METTL24: variants seen among roughly 807,000 people sequenced by gnomAD.
METTL24 encodes probable methyltransferase-like protein 24.
METTL24 carries 29 observed loss-of-function variants against 32.7 expected under a neutral mutation model. The ratio of observed to expected loss-of-function variants is 0.89; its 90% CI spans 0.66 to 1.21. The LOEUF is 1.21. Ranked by LOEUF, METTL24 falls within the 50% of genes most tolerant of loss-of-function variation. The probability of loss-of-function intolerance (pLI) is 0.00; values close to 1 mark genes in which losing one functional copy is unlikely to be tolerated. For missense variants in METTL24, 439 were observed against 468.1 expected (o/e 0.94, Z 0.57); for synonymous variants, 163 against 179.5 (o/e 0.91, Z 0.73).
chr6:110,302,581 A>G (rs144077767), intron 3 of METTL24, among the ~76,000 whole-genome samples: 1 of 117,470 alleles, frequency 8.5e-6, no homozygotes, highest in African/African-American at 4.8e-5. Flanking sequence ...ACACACACAT[A>G]TGTGTATATA....
chr6:110,326,040 T>C (rs1360873000), intron 1 of METTL24, among the ~76,000 whole-genome samples: 1 of 152,204 alleles, frequency 6.6e-6, no homozygotes, highest in Non-Finnish European at 1.5e-5. Flanking sequence ...CTCCTCTTTC[T>C]TCCCCAAAGT....
intron 3 of METTL24, among the ~76,000 whole-genome samples, chr6:110,299,546 T>C (rs1160926888): frequency 6.6e-6 from 1 of 152,216 alleles, no homozygotes; most frequent in African/African-American, 2.4e-5. Flanking sequence ...TGTGTTCTAC[T>C]AATGAGGTAA....
chr6:110,335,627 A>G (rs1161994374), intron 1 of METTL24, among the ~76,000 whole-genome samples: 2 of 116,776 alleles, frequency 1.7e-5, no homozygotes, highest in Non-Finnish European at 3.4e-5. Flanking sequence ...GGGTTTCACT[A>G]TATTGCCCAG....
rs1283171750 is a variant in METTL24, at chr6:110,358,105, C to T, written c.168G>A (p.Pro56=). 12 of 1,018,578 alleles carry T rather than the reference C, an allele frequency of 1.2e-5. No individual in the cohort carries two copies. Among genetic ancestry groups the T allele is most frequent in the Admixed American group, 5.9e-5 (1 of 16,944 alleles). 63.1% of individuals were successfully genotyped at this position (1,018,578 alleles called of 1,614,324 possible). A position where few individuals can be genotyped will look rare whatever the true frequency, so the allele number is the denominator to read the frequency against. Residue 56 remains proline, a synonymous_variant, in exon 1 of 5, where the codon CCG becomes CCA. Coordinates refer to ENST00000338882, the MANE Select transcript of METTL24 (RefSeq NM_001123364.3). ...PPGPAWRPPG[P]HLPPAPGQPR... ...GCTGGCCCGGCGCGGGCGGCAGGTG[C>T]GGCCCAGGTGGCCGCCAGGCCGGGC...
At chr6:110,322,966 G>A in intron 1 of METTL24, 94 bp from the exon 2 acceptor site, 2 of 938,220 alleles carry the variant, frequency 2.1e-6, no homozygotes, top group Non-Finnish European at 1.6e-6. Context: ...AGGCTGCTTT[G>A]GCTGTCAGCA....
At chr6:110,306,906 A>G (rs925131854) in intron 3 of METTL24, among the ~76,000 whole-genome samples, 3 of 152,188 alleles carry the variant, frequency 2.0e-5, no homozygotes, top group Non-Finnish European at 4.4e-5. Context: ...CATGGAAGGA[A>G]TATTTGTGAT....
At chr6:110,253,774 T>C in intron 4 of METTL24, 1 of 856,026 alleles carries the variant, frequency 1.2e-6, no homozygotes, top group Non-Finnish European at 1.6e-6. Flanking sequence ...AAACACACAT[T>C]TTCTACAAAA....
intron 3 of METTL24, among the ~76,000 whole-genome samples, chr6:110,303,487 G>A (rs868809140): frequency 2.4e-4 from 36 of 152,300 alleles, no homozygotes; most frequent in Middle Eastern, 3.4e-3. Context: ...GGGGAGGGGC[G>A]TCTGCCATTA....
intron 3 of METTL24, among the ~76,000 whole-genome samples, chr6:110,309,868 AAACAAAAC>A (rs1175738856): frequency 7.4e-6 from 1 of 135,766 alleles, no homozygotes; most frequent in South Asian, 2.3e-4. Context: ...GGAGCAAAAA[AAACAAAAC>A]AAAACAAAAC....
intron 4 of METTL24, among the ~76,000 whole-genome samples, chr6:110,259,924 C>T (rs1778460232): frequency 6.6e-6 from 1 of 152,152 alleles, no homozygotes; most frequent in African/African-American, 2.4e-5. Context: ...AGAAGGAAAA[C>T]TAACAAACAG....
chr6:110,295,019 T>TC (rs1771387642), intron 4 of METTL24, among the ~76,000 whole-genome samples: 2 of 125,888 alleles, frequency 1.6e-5, no homozygotes, highest in Admixed American at 1.5e-4. Context: ...CTTTCTTTTT[T>TC]TTTTTTTTTT....
At chr6:110,280,244 C>G (rs1771114409) in intron 4 of METTL24, among the ~76,000 whole-genome samples, 1 of 152,168 alleles carries the variant, frequency 6.6e-6, no homozygotes, top group Admixed American at 6.6e-5. Flanking sequence ...AACCATTTCT[C>G]AAAGACCTGT....
At chr6:110,356,839 G>A (rs1772709457) in intron 1 of METTL24, among the ~76,000 whole-genome samples, 1 of 152,252 alleles carries the variant, frequency 6.6e-6, no homozygotes, top group Admixed American at 6.5e-5. Flanking sequence ...AAGTTAGCAC[G>A]ATGGCCCAGC....
At chr6:110,348,606 T>C (rs1157247243) in intron 1 of METTL24, among the ~76,000 whole-genome samples, 7 of 152,228 alleles carry the variant, frequency 4.6e-5, no homozygotes, top group Admixed American at 4.6e-4. Flanking sequence ...TTGTGCACAA[T>C]AGCAAATGCT....
chr6:110,348,453 C>T (rs1169852924), intron 1 of METTL24, among the ~76,000 whole-genome samples: 5 of 152,220 alleles, frequency 3.3e-5, no homozygotes, highest in Admixed American at 6.5e-5. Context: ...ACGCTACTCC[C>T]GAAACTGCTG....
intron 1 of METTL24, among the ~76,000 whole-genome samples, chr6:110,340,120 C>T (rs1387384316): frequency 6.6e-6 from 1 of 152,018 alleles, no homozygotes; most frequent in Non-Finnish European, 1.5e-5. Flanking sequence ...GGCTACTATC[C>T]TGAAAAGAAA....
intron 4 of METTL24, among the ~76,000 whole-genome samples, 162 bp from the exon 5 acceptor site, chr6:110,246,422 C>A (rs1778161808): frequency 6.6e-6 from 1 of 152,114 alleles, no homozygotes; most frequent in Non-Finnish European, 1.5e-5. Context: ...GAATTTCTAA[C>A]CCCATTCCCT....
At chr6:110,253,851 A>T in intron 4 of METTL24, 1 of 1,407,010 alleles carries the variant, frequency 7.1e-7, no homozygotes, top group Middle Eastern at 1.9e-4. Context: ...TTTCCATGTC[A>T]ATAAATTTTC....
chr6:110,262,644 A>C (rs188556232), intron 4 of METTL24, among the ~76,000 whole-genome samples: 1 of 152,316 alleles, frequency 6.6e-6, no homozygotes, highest in Admixed American at 6.5e-5. Context: ...CTGATACCAA[A>C]GCCTGGCAGA....
Sources: gnomAD v4.1 joint callset for allele counts (sites outside exome capture counted in the v4.1 genomes callset) on GRCh38, gnomAD v4.1.1 for gene constraint, MANE v1.5 for transcripts, NCBI Gene and HGNC (gene_info 2026-07-23, HGNC 2026-07-21) for gene names.